Variants in RPA2 observed in about 807,000 individuals in gnomAD.
The protein encoded by RPA2 is replication protein A 32 kDa subunit.
RPA2 carries 22 observed loss-of-function variants against 33.4 expected under a neutral mutation model. The ratio of observed to expected loss-of-function variants is 0.66; its 90% CI spans 0.47 to 0.94. RPA2 has a LOEUF of 0.94. Ranked by LOEUF, RPA2 falls within the 40% of genes least tolerant of loss-of-function variation. The pLI is 0.00. For synonymous variants in RPA2, 109 were observed against 114.9 expected (o/e 0.95, Z 0.33); for missense variants, 279 against 329.9 (o/e 0.85, Z 1.19).
chr1:27,897,544 A>T, intron 5 of RPA2, 89 bp downstream of exon 5: 1 of 829,764 alleles, frequency 1.2e-6, no homozygotes, highest in Non-Finnish European at 1.9e-6. Flanking sequence ...AGGGAGACTT[A>T]AGTATTTTAA....
intron 6 of RPA2, among the ~76,000 whole-genome samples, chr1:27,896,029 T>G (rs1347514613): frequency 6.6e-6 from 1 of 152,012 alleles, no homozygotes; most frequent in Non-Finnish European, 1.5e-5. Context: ...TTCTCCTGTT[T>G]TATTTACTTC....
rs111241281 is a variant in RPA2, at chr1:27,906,235, C to T, written c.333+693G>A. Among the ~76,000 whole-genome samples, 837 of 152,036 alleles carry T rather than the reference C, an allele frequency of 5.5e-3. 10 individuals are homozygous for T. Among genetic ancestry groups the T allele is most frequent in the African/African-American group, 0.017 (700 of 41,466 alleles). On this transcript the variant is annotated intron_variant, in intron 4 of 8. Coordinates refer to ENST00000373912, the MANE Select transcript of RPA2 (RefSeq NM_002946.5). Reference sequence around the variant, plus strand: ...AAATACAAAAAATTAGGTGTGGTGGCGGGTGCCTGTAATCCCAGCTACTTG... The same window carrying T: ...AAATACAAAAAATTAGGTGTGGTGGTGGGTGCCTGTAATCCCAGCTACTTG...
In RPA2 at chr1:27,894,384, C is replaced by T; in HGVS notation, c.539G>A (p.Arg180Lys). The change falls in exon 7 of 9, where the codon AGA becomes AAA. Residue 180 changes from arginine (R) to lysine (K), a missense_variant. Physicochemically the swap from Arg to Lys is conservative, Grantham distance 26 (BLOSUM62 2). Transcript: ENST00000373912. Reference protein sequence around the residue: ...SKANSQPSAGRAPISNPGMSE... With the variant: ...SKANSQPSAGKAPISNPGMSE... Reference sequence around the variant, plus strand: ...CATTCCTGGATTGCTGATAGGTGCTCTCCCTGCTGAGGGCTGAATTAAGAA... The same window carrying T: ...CATTCCTGGATTGCTGATAGGTGCTTTCCCTGCTGAGGGCTGAATTAAGAA... The T allele has an allele frequency of 6.2e-7, 1 of 1,613,528 alleles. No homozygotes were observed. Among genetic ancestry groups the T allele is most frequent in the Non-Finnish European group, 8.5e-7 (1 of 1,179,910 alleles).
At chr1:27,911,027 C>T (rs1221425097) in intron 2 of RPA2, among the ~76,000 whole-genome samples, 1 of 151,554 alleles carries the variant, frequency 6.6e-6, no homozygotes, top group Non-Finnish European at 1.5e-5. Context: ...ACCAGCCTGA[C>T]CAACGTGGCA....
chr1:27,913,970 G>A, intron 2 of RPA2, 93 bp downstream of exon 2: 1 of 1,174,540 alleles, frequency 8.5e-7, no homozygotes. Flanking sequence ...AGTTCACGTT[G>A]AAATCTTCCT....
At chr1:27,905,027 T>C (rs1243342240) in intron 4 of RPA2, among the ~76,000 whole-genome samples, 1 of 152,218 alleles carries the variant, frequency 6.6e-6, no homozygotes, top group East Asian at 1.9e-4. Flanking sequence ...CAAGAGGCCT[T>C]CTGCACAATT....
chr1:27,907,208 G>C lies in RPA2; in HGVS notation c.192C>G (p.Phe64Leu). 1 of 1,613,858 alleles carries C rather than the reference G, an allele frequency of 6.2e-7. No individual in the cohort carries two copies. Among genetic ancestry groups the C allele is most frequent in the Non-Finnish European group, 8.5e-7 (1 of 1,179,974 alleles). The change falls in exon 3 of 9, where the codon TTC becomes TTG. Residue 64 changes from phenylalanine to leucine, a missense_variant. Physicochemically the swap from Phe to Leu is conservative, Grantham distance 22 (BLOSUM62 0). Transcript: ENST00000373912. ...LLSATLVDEV[F>L]RIGNVEISQV... ...GTGAAATCTCAACATTCCCAATTCT[G>C]AACACTTCATCAACCAAAGTGGCAG...
rs149521818 is a variant in RPA2, at chr1:27,910,514, G to A, written c.118-3232C>T. Among the ~76,000 whole-genome samples the A allele has an allele frequency of 2.6e-5, 4 of 152,086 alleles. No individual in the cohort carries two copies. In the East Asian group the frequency reaches 7.7e-4, roughly 29 times the overall value. On this transcript the variant is annotated intron_variant, in intron 2 of 8. Transcript: ENST00000373912. ...TGTCAATAAAAATATGCTTAATTTT[G>A]GAAAAACAAAAACAAAAACACTTTC...
chr1:27,910,135 G>C (rs1234068347), intron 2 of RPA2, among the ~76,000 whole-genome samples: 1 of 152,192 alleles, frequency 6.6e-6, no homozygotes, highest in Non-Finnish European at 1.5e-5. Flanking sequence ...GTAAGGTAAA[G>C]TGGCAAGAAC....
chr1:27,914,141 T>TTC lies in RPA2; in HGVS notation c.38_39insGA (p.Tyr14AsnfsTer82). ...GCGTGTAGCCGCCGGCTCCCCCGTA[T>TTC]GAGGAGCTGCCATAGCTTTCGAATC... On this transcript the variant is annotated frameshift_variant, in exon 2 of 9. Transcript: ENST00000373912. LOFTEE classifies it high-confidence loss of function. The TTC allele has an allele frequency of 6.2e-7, 1 of 1,613,686 alleles. No individual in the cohort carries two copies. Among genetic ancestry groups the TTC allele is most frequent in the Non-Finnish European group, 8.5e-7 (1 of 1,179,880 alleles).
intron 2 of RPA2, among the ~76,000 whole-genome samples, chr1:27,908,053 G>A (rs1021421046): frequency 6.6e-6 from 1 of 151,884 alleles, no homozygotes; most frequent in Non-Finnish European, 1.5e-5. Flanking sequence ...GGCTGGTCTG[G>A]AACTCTTGAC....
At position 27,907,016 on chromosome 1, in the gene RPA2, T is replaced by C. The variant is rs2090037339; in HGVS notation, c.245A>G (p.His82Arg). ...AATGTTGGTTGGAGCCTTCTCTGCA[T>C]GTCTGATGATCCCCACAATAGTGAC... ...SQVTIVGIIR[H>R]AEKAPTNIVY... Residue 82 changes from histidine (H) to arginine (R), a missense_variant, in exon 4 of 9, where the codon CAT becomes CGT. His to Arg is a conservative substitution (Grantham distance 29). Transcript: ENST00000373912. 6.2e-7 allele frequency: 1 copy of C among 1,613,336 alleles called. No individual in the cohort carries two copies. The highest frequency in any genetic ancestry group is 8.5e-7 in the Non-Finnish European group (1 of 1,179,882).
chr1:27,894,650 G>A (rs1196434886), intron 6 of RPA2, among the ~76,000 whole-genome samples: 1 of 152,122 alleles, frequency 6.6e-6, no homozygotes, highest in Non-Finnish European at 1.5e-5. Context: ...GATGTCAGAC[G>A]AACCAGAGAA....
At chr1:27,899,842 G>A (rs542468573) in intron 4 of RPA2, among the ~76,000 whole-genome samples, 72 of 152,048 alleles carry the variant, frequency 4.7e-4, no homozygotes, top group African/African-American at 1.5e-3. Flanking sequence ...CACCACGCCC[G>A]GCTAATTTTT....
Position 27,891,814 on chromosome 1 carries a change from C to T in RPA2, c.*349G>A, listed in dbSNP as rs558399780. On this transcript the variant is annotated 3_prime_UTR_variant, in exon 9 of 9. Coordinates refer to ENST00000373912, the MANE Select transcript of RPA2 (RefSeq NM_002946.5). ...TAACGCCCTGGTCCTGCTCATCTTT[C>T]AGCAGTAAACATTTTAAGAAGAGAA... The T allele has an allele frequency of 5.1e-4, 99 of 195,540 alleles. No individual in the cohort carries two copies. The highest frequency in any genetic ancestry group is 2.0e-3 in the Middle Eastern group (1 of 496). The allele number at this position is 195,540 out of a possible 1,614,324, so 12.1% of individuals were successfully genotyped here.
At chr1:27,906,899 C>T in intron 4 of RPA2, 29 bp downstream of exon 4, 1 of 1,488,670 alleles carries the variant, frequency 6.7e-7, no homozygotes, top group Non-Finnish European at 9.3e-7. Flanking sequence ...CCAAAGTAAC[C>T]CCATCATGAT....
intron 4 of RPA2, 113 bp from the exon 5 acceptor site, chr1:27,897,820 G>T: frequency 3.1e-6 from 2 of 644,692 alleles, no homozygotes; most frequent in Non-Finnish European, 4.7e-6. Context: ...AGAGTTAAAG[G>T]ATCCTAAAAT....
In RPA2 at chr1:27,907,287, A is replaced by C; in HGVS notation, c.118-5T>G. The C allele has an allele frequency of 6.3e-7, 1 of 1,594,924 alleles. No individual in the cohort carries two copies. Among genetic ancestry groups the C allele is most frequent in the Non-Finnish European group, 8.5e-7 (1 of 1,173,694 alleles). Reference sequence around the variant, plus strand: ...AATGTGCTGGGCTCGGGCTCTCTGAAAAGAAAAAACATGCAAAATTCAATT... The same window carrying C: ...AATGTGCTGGGCTCGGGCTCTCTGACAAGAAAAAACATGCAAAATTCAATT... On this transcript the variant is annotated splice_polypyrimidine_tract_variant and splice_region_variant and intron_variant, in intron 2 of 8. Transcript: ENST00000373912.
chr1:27,914,521 C>A lies in RPA2; in HGVS notation c.-78G>T. The A allele has an allele frequency of 3.1e-6, 5 of 1,603,556 alleles. No individual in the cohort carries two copies. Among genetic ancestry groups the A allele is most frequent in the Non-Finnish European group, 4.3e-6 (5 of 1,175,406 alleles). ...AGCGGAAAACCACAGAACGCGGCCGCCACTGCGCCGCTCTGGCTACTTTTC... is the reference window on the plus strand; with the variant it reads ...AGCGGAAAACCACAGAACGCGGCCGACACTGCGCCGCTCTGGCTACTTTTC... On this transcript the variant is annotated 5_prime_UTR_variant, in exon 1 of 9. Coordinates refer to ENST00000373912, the MANE Select transcript of RPA2 (RefSeq NM_002946.5).
Sources: allele counts gnomAD v4.1 joint callset (sites outside exome capture counted in the v4.1 genomes callset), GRCh38; gene constraint gnomAD v4.1.1; transcripts MANE v1.5; gene names NCBI Gene and HGNC (gene_info 2026-07-23, HGNC 2026-07-21).